Variants in EPS8 observed in about 807,000 individuals in gnomAD.
EPS8 encodes the protein EGFR pathway substrate 8, signaling adaptor.
A neutral mutation model predicts 103.8 loss-of-function variants in EPS8; 42 were observed. The ratio of observed to expected loss-of-function variants is 0.40; its 90% CI spans 0.32 to 0.52. The LOEUF is 0.52. Among genes scored for constraint, EPS8 ranks in the 20% least tolerant of loss-of-function variants. The pLI is 0.40. For missense variants in EPS8, 969 were observed against 1,005.1 expected (o/e 0.96, Z 0.49); for synonymous variants, 344 against 344.6 (o/e 1.00, Z 0.02).
intron 18 of EPS8, among the ~76,000 whole-genome samples, chr12:15,625,053 T>A (rs1363766732): frequency 2.6e-5 from 4 of 152,218 alleles, no homozygotes; most frequent in Non-Finnish European, 4.4e-5. Flanking sequence ...TATATTCTAC[T>A]TTCTCTCTAC....
intron 15 of EPS8, among the ~76,000 whole-genome samples, chr12:15,642,487 A>T (rs2135759043): frequency 6.6e-6 from 1 of 152,264 alleles, no homozygotes; most frequent in East Asian, 1.9e-4. Context: ...TTCCTTAAAA[A>T]ACCAAATACC....
intron 20 of EPS8, among the ~76,000 whole-genome samples, chr12:15,622,757 C>A (rs1021081758): frequency 1.3e-5 from 2 of 151,070 alleles, no homozygotes; most frequent in Admixed American, 6.6e-5. Flanking sequence ...GTTTTACAAT[C>A]TTATAACCTA....
At chr12:15,782,882 T>C (rs144253125) in intron 1 of EPS8, among the ~76,000 whole-genome samples, 153 of 152,338 alleles carry the variant, frequency 1.0e-3, no homozygotes, top group African/African-American at 3.5e-3. Flanking sequence ...CACTGTGTGA[T>C]GTTAATCATC....
chr12:15,730,607 G>A (rs1202511779), intron 1 of EPS8, among the ~76,000 whole-genome samples: 1 of 152,166 alleles, frequency 6.6e-6, no homozygotes, highest in African/African-American at 2.4e-5. Flanking sequence ...ATAAAACTAT[G>A]AACTCTTTGA....
intron 6 of EPS8, 79 bp downstream of exon 6, chr12:15,669,308 T>G: frequency 7.7e-7 from 1 of 1,299,680 alleles, no homozygotes; most frequent in Non-Finnish European, 1.1e-6. Context: ...AATATGCAGA[T>G]ATATTATCAA....
chr12:15,689,745 A>C (rs1946146861), intron 1 of EPS8, among the ~76,000 whole-genome samples: 1 of 152,188 alleles, frequency 6.6e-6, no homozygotes, highest in African/African-American at 2.4e-5. Flanking sequence ...TATTTCTCCT[A>C]ACTGAAACTG....
At position 15,693,266 on chromosome 12, in the gene EPS8, T is replaced by A. The variant is rs1228803455; in HGVS notation, c.-21-10294A>T. On this transcript the variant is annotated intron_variant, in intron 1 of 20. Transcript: ENST00000281172. This position sits in a 1 kb window ranked among gnomAD's most constrained non-coding sequence, Gnocchi z 5.6. Reference sequence around the variant, plus strand: ...TGACTGCCAAAACTTTGGCAATAAGTGGAAGAAGTCAGCCAGGGTTGTCTT... The same window carrying A: ...TGACTGCCAAAACTTTGGCAATAAGAGGAAGAAGTCAGCCAGGGTTGTCTT... Among the ~76,000 whole-genome samples, 1 of 152,196 alleles carries A rather than the reference T, an allele frequency of 6.6e-6. No homozygotes were observed. The highest frequency in any genetic ancestry group is 2.4e-5 in the African/African-American group (1 of 41,460).
rs768328354 is a variant in EPS8 at position 15,700,157 on chromosome 12, A to AAAC, written c.-21-17188_-21-17186dup. Among the ~76,000 whole-genome samples the AAAC allele has an allele frequency of 2.0e-5, 3 of 152,202 alleles. No homozygotes were observed. The highest frequency in any genetic ancestry group is 4.4e-5 in the Non-Finnish European group (3 of 68,024). ...GGGACAGAATGAGACTCCATCTCAA[A>AAAC]AACAACAACAACAAAAAAAGAAACT... On this transcript the variant is annotated intron_variant, in intron 1 of 20. Coordinates refer to ENST00000281172, the MANE Select transcript of EPS8 (RefSeq NM_004447.6). This position sits in a 1 kb window ranked among gnomAD's most constrained non-coding sequence, Gnocchi z 5.1.
chr12:15,699,401 G>A (rs1946283493), intron 1 of EPS8, among the ~76,000 whole-genome samples: 1 of 152,294 alleles, frequency 6.6e-6, no homozygotes. Flanking sequence ...AAATGAGAAT[G>A]ATTGTTATGA....
intron 18 of EPS8, 108 bp downstream of exon 18, chr12:15,631,334 T>G: frequency 6.7e-7 from 1 of 1,488,284 alleles, no homozygotes; most frequent in Non-Finnish European, 9.1e-7. Context: ...TTAAGTACCA[T>G]GCAAGTATAA....
chr12:15,637,844 T>C (rs1354849839), intron 17 of EPS8, among the ~76,000 whole-genome samples: 1 of 152,210 alleles, frequency 6.6e-6, no homozygotes. Flanking sequence ...AGCAAAGCCA[T>C]GGCAGATGAC....
intron 19 of EPS8, 79 bp from the exon 20 acceptor site, chr12:15,623,366 C>A (rs1302484279): frequency 5.4e-6 from 7 of 1,301,746 alleles, no homozygotes; most frequent in South Asian, 1.4e-5. Context: ...TCTGTTCCTG[C>A]TAGTAACTTC....
chr12:15,705,341 A>G (rs1056175783), intron 1 of EPS8, among the ~76,000 whole-genome samples: 1 of 152,236 alleles, frequency 6.6e-6, no homozygotes, highest in Non-Finnish European at 1.5e-5. Flanking sequence ...ATATTGTTTC[A>G]TGAACACATG....
At chr12:15,623,372 A>C in intron 19 of EPS8, 85 bp from the exon 20 acceptor site, 1 of 1,277,370 alleles carries the variant, frequency 7.8e-7, no homozygotes, top group South Asian at 1.4e-5. Flanking sequence ...CCTGCTAGTA[A>C]CTTCTCTTTT....
At chr12:15,643,817 T>C (rs911212402) in intron 15 of EPS8, among the ~76,000 whole-genome samples, 27 of 151,090 alleles carry the variant, frequency 1.8e-4, no homozygotes, top group Non-Finnish European at 3.1e-4. Flanking sequence ...ATGGGCTCAG[T>C]TTCTGATTAG....
rs1252447415 is a variant in EPS8, at chr12:15,721,602, C to T, written c.-21-38630G>A. Among the ~76,000 whole-genome samples the T allele has an allele frequency of 1.3e-5, 2 of 152,160 alleles. No individual in the cohort carries two copies. Among genetic ancestry groups the T allele is most frequent in the Non-Finnish European group, 2.9e-5 (2 of 68,028 alleles). On this transcript the variant is annotated intron_variant, in intron 1 of 20. Transcript: ENST00000281172. This position sits in a 1 kb window ranked among gnomAD's most constrained non-coding sequence, Gnocchi z 4.4. The stretch of plus-strand genomic sequence containing the variant: ...ACATCTCAGCCCATCAGTTTTCCTT[C>T]TTTGGAATAGTACATTTTATCCTCC...
rs1253145318 is a variant in EPS8, at chr12:15,647,112, C to T, written c.1568+15G>A. The T allele has an allele frequency of 5.0e-6, 8 of 1,608,676 alleles. No homozygotes were observed. The highest frequency in any genetic ancestry group is 1.3e-5 in the African/African-American group (1 of 74,916). On this transcript the variant is annotated intron_variant, in intron 15 of 20. Transcript: ENST00000281172. ...TTTATCCACAGCTCTCCAAAGGGTG[C>T]CCATTAAATGTTACCTATCTATATG...
chr12:15,663,941 A>ATTATAATAAT (rs71042266), intron 8 of EPS8, among the ~76,000 whole-genome samples: 1 of 73,280 alleles, frequency 1.4e-5, no homozygotes, highest in African/African-American at 5.1e-5. Flanking sequence ...AAAAAAAAAA[A>ATTATAATAAT]AAAAATAATA....
At chr12:15,666,376 C>T in intron 7 of EPS8, 64 bp downstream of exon 7, 2 of 1,253,200 alleles carry the variant, frequency 1.6e-6, no homozygotes, top group South Asian at 1.2e-5. Context: ...TTTTCTAACT[C>T]TTTGGGGAAA....
Sources: gnomAD v4.1 joint callset for allele counts (sites outside exome capture counted in the v4.1 genomes callset) on GRCh38, gnomAD v4.1.1 for gene constraint, Gnocchi (gnomAD v3.1) non-coding constraint, MANE v1.5 for transcripts, NCBI Gene and HGNC (gene_info 2026-07-23, HGNC 2026-07-21) for gene names.